CSMD1: variants seen among roughly 807,000 people sequenced by gnomAD.
The protein encoded by CSMD1 is CUB and sushi domain-containing protein 1.
CSMD1 carries 213 observed loss-of-function variants against 417.5 expected under a neutral mutation model. The observed-to-expected ratio is 0.51, with a 90% CI of 0.46 to 0.57. CSMD1 has a LOEUF of 0.57. CSMD1 is among the 20% of genes least tolerant of loss of function. The pLI is 0.00. For synonymous variants in CSMD1, 2,862 were observed against 1,736.8 expected (o/e 1.65, Z -16.11); for missense variants, 6,923 against 4,529.7 (o/e 1.53, Z -15.17).
intron 46 of CSMD1, 39 bp downstream of exon 46, chr8:3,106,489 G>C: frequency 8.0e-7 from 1 of 1,255,470 alleles, no homozygotes; most frequent in Non-Finnish European, 1.2e-6. Context: ...TTTCCATGTT[G>C]AATAAGTTTA....
chr8:4,203,648 T>C (rs201194948), intron 3 of CSMD1, among the ~76,000 whole-genome samples: 33 of 152,174 alleles, frequency 2.2e-4, no homozygotes, highest in Admixed American at 1.0e-3. Flanking sequence ...ACTACACACA[T>C]TGGAAGTTGG....
chr8:3,781,898 T>G (rs1278338682), intron 5 of CSMD1, among the ~76,000 whole-genome samples: 1 of 152,232 alleles, frequency 6.6e-6, no homozygotes, highest in Non-Finnish European at 1.5e-5. Flanking sequence ...ATTCATTTTC[T>G]AATTTTGGTA....
intron 3 of CSMD1, among the ~76,000 whole-genome samples, chr8:4,160,677 C>G (rs1321131251): frequency 6.6e-6 from 1 of 152,232 alleles, no homozygotes; most frequent in African/African-American, 2.4e-5. Context: ...CATGTCCACG[C>G]AATGTCCCAC....
At chr8:3,412,883 A>G (rs1035765765) in intron 12 of CSMD1, among the ~76,000 whole-genome samples, 3 of 152,224 alleles carry the variant, frequency 2.0e-5, no homozygotes, top group Admixed American at 6.5e-5. Flanking sequence ...TGCATGGTTT[A>G]TAATAGAAAA....
At chr8:3,882,373 A>G (rs912263325) in intron 5 of CSMD1, among the ~76,000 whole-genome samples, 9 of 152,222 alleles carry the variant, frequency 5.9e-5, no homozygotes, top group Non-Finnish European at 1.2e-4. Context: ...CCCCACTAGA[A>G]TGGTTAAAAT....
intron 11 of CSMD1, among the ~76,000 whole-genome samples, chr8:3,485,637 G>T (rs1465838966): frequency 6.6e-6 from 1 of 151,672 alleles, no homozygotes; most frequent in East Asian, 1.9e-4. Context: ...GCGCATGCTG[G>T]TTATCCCAGC....
intron 5 of CSMD1, among the ~76,000 whole-genome samples, chr8:3,943,599 T>C (rs1045189804): frequency 3.8e-4 from 58 of 152,214 alleles, no homozygotes; most frequent in African/African-American, 1.3e-3. Flanking sequence ...TCATTTGAAA[T>C]AGCTGGTAAA....
chr8:3,313,891 C>G (rs887931077), intron 23 of CSMD1, among the ~76,000 whole-genome samples: 4 of 152,146 alleles, frequency 2.6e-5, no homozygotes, highest in Admixed American at 2.0e-4. Flanking sequence ...CAATGATAGA[C>G]TGGATTAAGA....
chr8:4,252,628 C>G (rs1383202765), intron 3 of CSMD1, among the ~76,000 whole-genome samples: 4 of 152,178 alleles, frequency 2.6e-5, no homozygotes, highest in African/African-American at 9.7e-5. Flanking sequence ...CAAATATAGT[C>G]TCCAGAAGTA....
chr8:4,551,227 A>G (rs1481361203), intron 2 of CSMD1, among the ~76,000 whole-genome samples: 1 of 151,816 alleles, frequency 6.6e-6, no homozygotes, highest in Non-Finnish European at 1.5e-5. Context: ...TGTAATACTG[A>G]AAATCCTCGA....
intron 25 of CSMD1, among the ~76,000 whole-genome samples, chr8:3,301,562 G>T (rs1804408948): frequency 6.6e-6 from 1 of 152,174 alleles, no homozygotes; most frequent in Non-Finnish European, 1.5e-5. Flanking sequence ...GAAGAAACTG[G>T]AGGTGAGTCA....
At chr8:4,444,276 G>A (rs765638002) in intron 2 of CSMD1, among the ~76,000 whole-genome samples, 1 of 147,504 alleles carries the variant, frequency 6.8e-6, no homozygotes, top group Non-Finnish European at 1.5e-5. Flanking sequence ...TGGGCTGGGA[G>A]GTGGACGTTG....
At chr8:3,507,071 G>C (rs991410873) in intron 10 of CSMD1, among the ~76,000 whole-genome samples, 1 of 152,082 alleles carries the variant, frequency 6.6e-6, no homozygotes, top group South Asian at 2.1e-4. Context: ...TTGGTGTCAT[G>C]GTTACAGTTT....
At chr8:2,979,158 G>C (rs144984222) in intron 54 of CSMD1, among the ~76,000 whole-genome samples, 4 of 152,310 alleles carry the variant, frequency 2.6e-5, no homozygotes, top group African/African-American at 9.6e-5. Context: ...TTTTACTCAA[G>C]TGTGGTGTTT....
chr8:4,897,142 G>T (rs1399792502), intron 1 of CSMD1, among the ~76,000 whole-genome samples: 1 of 152,128 alleles, frequency 6.6e-6, no homozygotes, highest in South Asian at 2.1e-4. Flanking sequence ...AGCAAGGCAG[G>T]TGCACGTTAT....
At chr8:3,600,231 TCTC>T (rs1165349529) in intron 8 of CSMD1, among the ~76,000 whole-genome samples, 5 of 152,142 alleles carry the variant, frequency 3.3e-5, no homozygotes, top group Non-Finnish European at 7.4e-5. Context: ...CTTTTCTCCT[TCTC>T]CTCCCCATTA....
intron 7 of CSMD1, among the ~76,000 whole-genome samples, chr8:3,701,184 A>T (rs941656659): frequency 6.6e-6 from 1 of 152,106 alleles, no homozygotes; most frequent in Non-Finnish European, 1.5e-5. Context: ...GCCCGTGGAT[A>T]GGAAGTTCTG....
chr8:3,572,628 C>A (rs1799990916), intron 10 of CSMD1, among the ~76,000 whole-genome samples: 2 of 152,130 alleles, frequency 1.3e-5, no homozygotes, highest in Admixed American at 1.3e-4. Flanking sequence ...AAAAGAAATT[C>A]AAGAAGAGTT....
chr8:3,923,799 C>G (rs1215959149), intron 5 of CSMD1, among the ~76,000 whole-genome samples: 1 of 152,202 alleles, frequency 6.6e-6, no homozygotes, highest in Admixed American at 6.5e-5. Context: ...ATAGTTACCA[C>G]TGTTCTACTC....
Sources: gnomAD v4.1 joint callset for allele counts (sites outside exome capture counted in the v4.1 genomes callset) on GRCh38, gnomAD v4.1.1 for gene constraint, MANE v1.5 for transcripts, NCBI Gene and HGNC (gene_info 2026-07-23, HGNC 2026-07-21) for gene names.